The following SWT1 variants were observed in gnomAD, a reference collection of about 807,000 sequenced individuals.
SWT1 encodes the protein transcriptional protein SWT1.
In SWT1, 33 loss-of-function variants were observed where a neutral mutation model predicts 107.3. The ratio of observed to expected loss-of-function variants is 0.31; its 90% confidence interval spans 0.23 to 0.41. SWT1 has a LOEUF of 0.41. Among genes scored for constraint, SWT1 ranks in the 10% least tolerant of loss-of-function variants. SWT1 has a pLI of 1.00. For synonymous variants in SWT1, 345 were observed against 348.3 expected (o/e 0.99, Z 0.11); for missense variants, 898 against 1,028.9 (o/e 0.87, Z 1.74).
Position 185,166,667 on chromosome 1 carries a change from ATAAC to A in SWT1, c.165+23_165+26del, listed in dbSNP as rs751735943. On this transcript the variant is annotated intron_variant, in intron 3 of 18. Transcript: ENST00000367500. ...AGAGAAAACTGGTGAGTGTCTAGATATAACTAACTAAAAGTTATTTATGCTAAAG... is the reference window on the plus strand; with the variant it reads ...AGAGAAAACTGGTGAGTGTCTAGATATAACTAAAAGTTATTTATGCTAAAG... The A allele has an allele frequency of 1.5e-5, 22 of 1,478,214 alleles. No individual in the cohort carries two copies. The highest frequency in any genetic ancestry group is 1.8e-5 in the Non-Finnish European group (19 of 1,075,448). 91.6% of individuals were successfully genotyped at this position (1,478,214 alleles called of 1,614,324 possible).
At chr1:185,280,824 G>A in intron 18 of SWT1, 1 of 356,656 alleles carries the variant, frequency 2.8e-6, no homozygotes, top group East Asian at 8.7e-5. Context: ...GCCAGGACTT[G>A]AGGGTTGGGG....
intron 15 of SWT1, chr1:185,227,408 C>T (rs879918851): frequency 2.4e-5 from 16 of 672,488 alleles, no homozygotes; most frequent in Middle Eastern, 4.3e-4. Flanking sequence ...TACAATATGC[C>T]GCAGCATAAT....
rs1558005480 is a variant in SWT1, at chr1:185,166,656, A to G, written c.165+4A>G. On this transcript the variant is annotated splice_donor_region_variant and intron_variant, in intron 3 of 18. Transcript: ENST00000367500. ...TTCATCAGAAAAGAGAAAACTGGTG[A>G]GTGTCTAGATATAACTAACTAAAAG... The G allele has an allele frequency of 6.4e-7, 1 of 1,562,204 alleles. No individual in the cohort carries two copies. Among genetic ancestry groups the G allele is most frequent in the Non-Finnish European group, 8.8e-7 (1 of 1,139,142 alleles).
chr1:185,186,617 T>A (rs1297400946), intron 9 of SWT1, among the ~76,000 whole-genome samples: 1 of 152,078 alleles, frequency 6.6e-6, no homozygotes, highest in Non-Finnish European at 1.5e-5. Context: ...AAACATAAGA[T>A]TAAAAAAATA....
At chr1:185,274,852 C>G (rs1469790952) in intron 17 of SWT1, among the ~76,000 whole-genome samples, 1 of 152,004 alleles carries the variant, frequency 6.6e-6, no homozygotes, top group African/African-American at 2.4e-5. Flanking sequence ...GTGAAAATGT[C>G]TTCATAGTCA....
chr1:185,235,967 A>G (rs1660842107), intron 16 of SWT1, among the ~76,000 whole-genome samples: 2 of 152,282 alleles, frequency 1.3e-5, no homozygotes, highest in African/African-American at 4.8e-5. Context: ...ACAATAAAAT[A>G]CCTAGGAATA....
At chr1:185,200,261 CT>C (rs1208851696) in intron 10 of SWT1, among the ~76,000 whole-genome samples, 1 of 152,114 alleles carries the variant, frequency 6.6e-6, no homozygotes, top group Admixed American at 6.5e-5. Flanking sequence ...AGTTCATCAA[CT>C]CATTCTGTGT....
At chr1:185,253,505 TG>T (rs1247946749) in intron 16 of SWT1, among the ~76,000 whole-genome samples, 4 of 150,716 alleles carry the variant, frequency 2.7e-5, no homozygotes, top group Admixed American at 6.6e-5. Context: ...TCACATCCCT[TG>T]TAAGTTGGAT....
chr1:185,236,461 A>C (rs945695845), intron 16 of SWT1, among the ~76,000 whole-genome samples: 1 of 152,192 alleles, frequency 6.6e-6, no homozygotes, highest in Non-Finnish European at 1.5e-5. Context: ...AAAAACAAGC[A>C]ATGGGGAAAG....
At chr1:185,190,706 A>G (rs1372338195) in intron 10 of SWT1, 64 bp downstream of exon 10, 4 of 1,020,142 alleles carry the variant, frequency 3.9e-6, no homozygotes, top group East Asian at 2.6e-5. Flanking sequence ...TAAAAAAATC[A>G]TATGGTATCC....
intron 16 of SWT1, among the ~76,000 whole-genome samples, chr1:185,238,575 C>T (rs755927051): frequency 3.9e-5 from 6 of 152,040 alleles, no homozygotes; most frequent in Non-Finnish European, 7.4e-5. Context: ...TGAGAGATCA[C>T]ATTTAATAAA....
chr1:185,216,198 A>C (rs1035426165), intron 14 of SWT1, among the ~76,000 whole-genome samples: 10 of 152,184 alleles, frequency 6.6e-5, no homozygotes, highest in African/African-American at 2.4e-4. Flanking sequence ...AATTTATTTA[A>C]GGGGTGATAT....
At chr1:185,202,964 T>G (rs1658007103) in intron 11 of SWT1, among the ~76,000 whole-genome samples, 165 bp downstream of exon 11, 1 of 152,220 alleles carries the variant, frequency 6.6e-6, no homozygotes, top group Non-Finnish European at 1.5e-5. Context: ...GTTATGATGG[T>G]AATCCAAAAG....
At chr1:185,182,668 CAAA>C (rs59326029) in intron 7 of SWT1, among the ~76,000 whole-genome samples, 30 of 67,022 alleles carry the variant, frequency 4.5e-4, no homozygotes, top group African/African-American at 1.3e-3. Flanking sequence ...CTCTCTCTCT[CAAA>C]AAAAAAAAAA....
At chr1:185,159,865 C>T (rs140035718) in intron 1 of SWT1, among the ~76,000 whole-genome samples, 4 of 152,216 alleles carry the variant, frequency 2.6e-5, no homozygotes, top group Non-Finnish European at 5.9e-5. Flanking sequence ...GCTGGGATTA[C>T]AGGCATGCAC....
rs1318026161 is a variant in SWT1 at position 185,256,232 on chromosome 1, G to C, written c.2442-15091G>C. Among the ~76,000 whole-genome samples, 272 of 151,138 alleles carry C rather than the reference G, an allele frequency of 1.8e-3. 4 individuals carry two copies. In the East Asian group the frequency reaches 0.035, roughly 19 times the overall value. ...CTTAACATTTTTTCCTTCATTTCAA[G>C]TTTGGTGAATCTGACAATTATGTGT... On this transcript the variant is annotated intron_variant, in intron 16 of 18. Coordinates refer to ENST00000367500, the MANE Select transcript of SWT1 (RefSeq NM_017673.7).
rs995867853 is a variant in SWT1 at position 185,160,792 on chromosome 1, G to T, written c.-9-41G>T. 6.4e-6 allele frequency: 9 copies of T among 1,403,600 alleles called. No individual in the cohort carries two copies. In the African/African-American group the frequency reaches 1.0e-4, roughly 16 times the overall value. The allele number at this position is 1,403,600 out of a possible 1,614,324, so 86.9% of individuals were successfully genotyped here. ...GAAGACAAATTTCTATTTTCTTTTT[G>T]AGTGCAAAAACAAATCCTATATTTT... is the stretch of plus-strand genomic sequence containing the variant. On this transcript the variant is annotated intron_variant, in intron 1 of 18. Coordinates refer to ENST00000367500, the MANE Select transcript of SWT1 (RefSeq NM_017673.7).
chr1:185,290,374 C>T (rs893546692), intron 18 of SWT1, among the ~76,000 whole-genome samples: 8 of 151,942 alleles, frequency 5.3e-5, no homozygotes, highest in South Asian at 2.1e-4. Flanking sequence ...CCCAAGAGTT[C>T]GAGGCCAGCC....
At chr1:185,275,202 A>G (rs1664155789) in intron 17 of SWT1, among the ~76,000 whole-genome samples, 2 of 151,994 alleles carry the variant, frequency 1.3e-5, no homozygotes, top group Non-Finnish European at 2.9e-5. Flanking sequence ...CCTCTGACCA[A>G]ATGTCTGCAG....
Sources: gnomAD v4.1 joint callset for allele counts (sites outside exome capture counted in the v4.1 genomes callset) on GRCh38, gnomAD v4.1.1 for gene constraint, MANE v1.5 for transcripts, NCBI Gene and HGNC (gene_info 2026-07-23, HGNC 2026-07-21) for gene names.